SMURF2: variants seen among roughly 807,000 people sequenced by gnomAD.
SMURF2 encodes E3 ubiquitin-protein ligase SMURF2.
Under a neutral mutation model 109.6 loss-of-function variants are expected in SMURF2, and 48 were observed. That is an observed-to-expected ratio of 0.44 (90% CI 0.35 to 0.56). The LOEUF (loss-of-function observed/expected upper bound fraction) is 0.56. SMURF2 is among the 20% of genes least tolerant of loss of function. The probability of loss-of-function intolerance (pLI) is 0.01; values close to 1 mark genes in which losing one functional copy is unlikely to be tolerated. For synonymous variants in SMURF2, 288 were observed against 317.1 expected (o/e 0.91, Z 0.97); for missense variants, 575 against 909.0 (o/e 0.63, Z 4.72).
intron 1 of SMURF2, among the ~76,000 whole-genome samples, chr17:64,617,102 T>A (rs1296615948): frequency 6.9e-5 from 10 of 144,524 alleles, no homozygotes; most frequent in African/African-American, 2.3e-4. Flanking sequence ...AAAATCTTAG[T>A]CCAGTTAAAG....
intron 1 of SMURF2, among the ~76,000 whole-genome samples, chr17:64,608,043 A>AAATAAATCAATCAATC (rs1401811277): frequency 6.7e-6 from 1 of 148,824 alleles, no homozygotes. Flanking sequence ...ATAAATAAAT[A>AAATAAATCAATCAATC]AATCTGCTTA....
intron 18 of SMURF2, 70 bp downstream of exon 18, chr17:64,546,193 A>G: frequency 6.8e-7 from 1 of 1,469,104 alleles, no homozygotes; most frequent in Admixed American, 1.7e-5. Flanking sequence ...CAATAAATAA[A>G]AAGTCAAATC....
chr17:64,645,231 T>C (rs1258606659), intron 1 of SMURF2, among the ~76,000 whole-genome samples: 1 of 152,204 alleles, frequency 6.6e-6, no homozygotes, highest in Non-Finnish European at 1.5e-5. Context: ...GATGCTGATA[T>C]ATTTAATAAA....
intron 5 of SMURF2, among the ~76,000 whole-genome samples, chr17:64,588,207 C>T (rs1363958112): frequency 4.6e-5 from 7 of 151,492 alleles, no homozygotes; most frequent in Non-Finnish European, 8.8e-5. Flanking sequence ...ATAACAATAA[C>T]GATACATTAG....
At chr17:64,659,546 T>C (rs1213485555) in intron 1 of SMURF2, among the ~76,000 whole-genome samples, 2 of 144,722 alleles carry the variant, frequency 1.4e-5, no homozygotes, top group East Asian at 4.0e-4. Flanking sequence ...TTAAACAAAA[T>C]GAGGCCTAGG....
intron 1 of SMURF2, among the ~76,000 whole-genome samples, chr17:64,635,950 G>A (rs1451373902): frequency 3.9e-5 from 6 of 152,174 alleles, no homozygotes; most frequent in Admixed American, 3.9e-4. Flanking sequence ...CAATGTATGA[G>A]GGTTCCAATT....
chr17:64,580,772 C>G lies in SMURF2; in HGVS notation c.772+17G>C. 1 of 1,608,788 alleles carries G rather than the reference C, an allele frequency of 6.2e-7. No individual in the cohort carries two copies. Among genetic ancestry groups the G allele is most frequent in the East Asian group, 2.2e-5 (1 of 44,808 alleles). On this transcript the variant is annotated intron_variant, in intron 8 of 18. Transcript: ENST00000262435. ...ATCAGTAAACCACATTTTATTTTTC[C>G]TTTGTAGTTGTCATACCATAGCCTT... is the stretch of plus-strand genomic sequence containing the variant.
intron 5 of SMURF2, among the ~76,000 whole-genome samples, chr17:64,586,541 G>T (rs1969657576): frequency 6.6e-6 from 1 of 151,706 alleles, no homozygotes; most frequent in Non-Finnish European, 1.5e-5. Context: ...AAGGTCAGGA[G>T]ATCGAGACCA....
At chr17:64,641,392 A>G (rs1302666967) in intron 1 of SMURF2, among the ~76,000 whole-genome samples, 2 of 152,184 alleles carry the variant, frequency 1.3e-5, no homozygotes, top group Non-Finnish European at 2.9e-5. Context: ...TGCCACTGCC[A>G]CCACCTGTGA....
intron 3 of SMURF2, among the ~76,000 whole-genome samples, chr17:64,594,762 A>C (rs1232861202): frequency 3.9e-5 from 6 of 152,046 alleles, no homozygotes; most frequent in Admixed American, 1.3e-4. Flanking sequence ...CGAGGCAGGC[A>C]GATCACCAGA....
intron 7 of SMURF2, among the ~76,000 whole-genome samples, chr17:64,582,270 A>G (rs544976566): frequency 6.6e-6 from 1 of 152,344 alleles, no homozygotes; most frequent in African/African-American, 2.4e-5. Context: ...TATAAATAAA[A>G]GTAGGTGCAG....
At chr17:64,568,553 G>A (rs782214103) in intron 10 of SMURF2, among the ~76,000 whole-genome samples, 5 of 152,164 alleles carry the variant, frequency 3.3e-5, no homozygotes, top group East Asian at 1.9e-4. Flanking sequence ...TGGGATACAC[G>A]TCTTCTTAAG....
rs1490497346 is a variant in SMURF2 at position 64,555,921 on chromosome 17, A to G, written c.1509T>C (p.Gly503=). Residue 503 remains glycine, a synonymous_variant, in exon 14 of 19, where the codon GGT becomes GGC. Coordinates refer to ENST00000262435, the MANE Select transcript of SMURF2 (RefSeq NM_022739.4). ...AVFHGHYIDG[G]FTLPFYKQLL... ...ATTGCTTATAAAAAGGCAATGTGAA[A>G]CCACCATCAATATAATGTCCATGAA... 2.5e-6 allele frequency: 4 copies of G among 1,613,652 alleles called. No individual in the cohort carries two copies.
intron 1 of SMURF2, among the ~76,000 whole-genome samples, chr17:64,627,965 C>T (rs1162164828): frequency 1.3e-5 from 2 of 152,146 alleles, no homozygotes; most frequent in African/African-American, 4.8e-5. Context: ...TCACTCAGTA[C>T]ACAATCTTTG....
intron 1 of SMURF2, among the ~76,000 whole-genome samples, chr17:64,650,350 T>G (rs984683802): frequency 2.0e-5 from 3 of 150,896 alleles, no homozygotes; most frequent in Admixed American, 6.6e-5. Flanking sequence ...GTTTTTTGTT[T>G]TTTTTTTTGG....
At position 64,581,366 on chromosome 17, in the gene SMURF2, T is replaced by C. The variant is rs1427917647; in HGVS notation, c.570-375A>G. Among the ~76,000 whole-genome samples the C allele has an allele frequency of 6.6e-6, 1 of 152,186 alleles. No homozygotes were observed. Among genetic ancestry groups the C allele is most frequent in the African/African-American group, 2.4e-5 (1 of 41,442 alleles). On this transcript the variant is annotated intron_variant, in intron 7 of 18. Transcript: ENST00000262435. The surrounding 1 kb of genome is among the most constrained non-coding windows in gnomAD (Gnocchi z 4.3). ...TCTGCTTCAGCCACACTCATATTCTTCCTGTTCCTTGAACTTGCCAAGGTC... is the reference window on the plus strand; with the variant it reads ...TCTGCTTCAGCCACACTCATATTCTCCCTGTTCCTTGAACTTGCCAAGGTC...
intron 1 of SMURF2, among the ~76,000 whole-genome samples, chr17:64,613,741 T>TGTGG (rs1970081891): frequency 9.2e-6 from 1 of 109,100 alleles, no homozygotes; most frequent in Non-Finnish European, 1.9e-5. Context: ...TGTGTGTGTG[T>TGTGG]GTGGAGGGGG....
In SMURF2 at chr17:64,662,229, G is replaced by T. The variant is rs1970794264; in HGVS notation, c.-349C>A. ...GCCCAGTAGCCGACGGGGCTGGTCG[G>T]CTGAAGCGGGCGGTGCTCGGGGGCG... On this transcript the variant is annotated 5_prime_UTR_variant, in exon 1 of 19. Coordinates refer to ENST00000262435, the MANE Select transcript of SMURF2 (RefSeq NM_022739.4). 1 of 983,150 alleles carries T rather than the reference G, an allele frequency of 1.0e-6. No individual in the cohort carries two copies. Among genetic ancestry groups the T allele is most frequent in the East Asian group, 1.1e-4 (1 of 8,774 alleles). The allele number at this position is 983,150 out of a possible 1,614,324, so 60.9% of individuals were successfully genotyped here. A position where few individuals can be genotyped will look rare whatever the true frequency, so the allele number is the denominator to read the frequency against.
chr17:64,561,698 T>C, intron 11 of SMURF2, 95 bp from the exon 12 acceptor site: 1 of 935,974 alleles, frequency 1.1e-6, no homozygotes, highest in South Asian at 1.6e-5. Flanking sequence ...AACTCAAGTC[T>C]AAATAAGGTG....
Sources: gnomAD v4.1 joint callset for allele counts (sites outside exome capture counted in the v4.1 genomes callset) on GRCh38, gnomAD v4.1.1 for gene constraint, Gnocchi (gnomAD v3.1) non-coding constraint, MANE v1.5 for transcripts, NCBI Gene and HGNC (gene_info 2026-07-23, HGNC 2026-07-21) for gene names.